The following POLQ variants were observed in gnomAD, a reference collection of about 807,000 sequenced individuals.
The protein encoded by POLQ is epididymis secretory sperm binding protein.
A neutral mutation model predicts 259.2 loss-of-function variants in POLQ; 233 were observed. That is an observed-to-expected ratio of 0.90 (90% CI 0.81 to 1.00). The LOEUF (loss-of-function observed/expected upper bound fraction) is 1.00. Among genes scored for constraint, POLQ ranks in the 50% least tolerant of loss-of-function variants. POLQ has a pLI of 0.00. For synonymous variants in POLQ, 1,025 were observed against 1,048.8 expected (o/e 0.98, Z 0.44); for missense variants, 2,871 against 3,051.6 (o/e 0.94, Z 1.39).
At chr3:121,449,789 A>G (rs1311868517) in intron 25 of POLQ, among the ~76,000 whole-genome samples, 2 of 152,228 alleles carry the variant, frequency 1.3e-5, no homozygotes, top group Non-Finnish European at 2.9e-5. Context: ...GTCAGGGAAG[A>G]GAAGCATTAC....
intron 28 of POLQ, 115 bp downstream of exon 28, chr3:121,436,007 T>C (rs1198798614): frequency 1.0e-5 from 9 of 862,002 alleles, no homozygotes; most frequent in Non-Finnish European, 1.6e-5. Flanking sequence ...AAAGACATCA[T>C]GAGACCAAAA....
At chr3:121,539,992 A>T (rs1362862571) in intron 3 of POLQ, among the ~76,000 whole-genome samples, 1 of 152,128 alleles carries the variant, frequency 6.6e-6, no homozygotes, top group East Asian at 1.9e-4. Context: ...CCTACTAATG[A>T]CCAATTTTTT....
intron 7 of POLQ, among the ~76,000 whole-genome samples, chr3:121,527,263 T>C (rs1293284198): frequency 4.6e-5 from 7 of 152,132 alleles, no homozygotes; most frequent in Admixed American, 3.3e-4. Flanking sequence ...GGTTTCACCA[T>C]GTTGTCCAGG....
At position 121,493,649 on chromosome 3, in the gene POLQ, C is replaced by T. The variant is rs745851016; in HGVS notation, c.2351G>A (p.Arg784His). ...CTCCCTCTGGATGCCAAACGTAAGA[C>T]GCTTCTGAAATTGGGAAAGTAGTAG... is the stretch of plus-strand genomic sequence containing the variant. ...MELLLSQFQK[R>H]LTFGIQRELC... Residue 784 changes from arginine (R) to histidine (H), a missense_variant, in exon 15 of 30, where the codon CGT becomes CAT. Physicochemically the swap from Arg to His is conservative, Grantham distance 29. This residue lies in a region of POLQ where 2,080 missense variants were observed against 2,126.0 expected (regional missense o/e 0.98). Transcript: ENST00000264233. The T allele has an allele frequency of 8.7e-6, 14 of 1,614,036 alleles. No homozygotes were observed. Among genetic ancestry groups the T allele is most frequent in the African/African-American group, 2.7e-5 (2 of 75,032 alleles).
intron 26 of POLQ, among the ~76,000 whole-genome samples, chr3:121,447,057 A>G (rs758421464): frequency 2.7e-4 from 26 of 96,990 alleles, no homozygotes; most frequent in Non-Finnish European, 6.0e-4. Flanking sequence ...CTTTTAATAA[A>G]GGTGATTTTT....
intron 14 of POLQ, among the ~76,000 whole-genome samples, chr3:121,496,416 C>T (rs1319051801): frequency 1.3e-5 from 2 of 152,044 alleles, no homozygotes; most frequent in African/African-American, 2.4e-5. Context: ...ACCTCGTGAT[C>T]CACCCGACTC....
intron 16 of POLQ, among the ~76,000 whole-genome samples, chr3:121,486,809 G>A (rs1324283732): frequency 1.3e-5 from 2 of 151,526 alleles, no homozygotes; most frequent in African/African-American, 2.4e-5. Context: ...GTTGCAGTGA[G>A]CGAAGATCAA....
At chr3:121,494,998 G>A (rs1199357576) in intron 14 of POLQ, 13 of 668,382 alleles carry the variant, frequency 1.9e-5, no homozygotes, top group Admixed American at 1.4e-4. Flanking sequence ...GATGCTGGGC[G>A]CAGTGGCTCA....
chr3:121,432,925 A>T lies in POLQ; in HGVS notation c.7652T>A (p.Val2551Asp). 6.4e-7 allele frequency: 1 copy of T among 1,570,094 alleles called. No homozygotes were observed. The highest frequency in any genetic ancestry group is 1.7e-4 in the Middle Eastern group (1 of 5,972). Residue 2551 changes from valine (V) to aspartate (D), a missense_variant, in exon 29 of 30, where the codon GTT (valine) becomes GAT (aspartate). Physicochemically the swap from Val to Asp is radical, Grantham distance 152 (BLOSUM62 -3). Around this residue, in one of 3 missense-constraint regions of POLQ, gnomAD observed 2,080 missense variants for 2,126.0 expected, o/e 0.98. Transcript: ENST00000264233. ...ELLYEVAEED[V>D]VQVAQIVKNE... ...CAAGCATTGCAAAAATACCTGAACA[A>T]CATCTTCTTCTGCCACTTCATATAG...
rs546221341 is a variant in POLQ at position 121,488,662 on chromosome 3, CAATAGTA to C, written c.4262_4268del (p.Ile1421ArgfsTer8). On this transcript the variant is annotated frameshift_variant, in exon 16 of 30. Coordinates refer to ENST00000264233, the MANE Select transcript of POLQ (RefSeq NM_199420.4). LOFTEE classifies it high-confidence loss of function. Reference sequence around the variant, plus strand: ...TTTTTAAAAAAAGACCATTTTCCTCCAATAGTATTGGAGAATGGAAAATCGGGCTTTC... The same window carrying C: ...TTTTTAAAAAAAGACCATTTTCCTCCTTGGAGAATGGAAAATCGGGCTTTC... The C allele has an allele frequency of 6.5e-3, 10,376 of 1,606,644 alleles. 54 individuals are homozygous for C. Among genetic ancestry groups the C allele is most frequent in the Middle Eastern group, 9.5e-3 (57 of 6,012 alleles).
In POLQ at chr3:121,544,825, T is replaced by C; in HGVS notation, c.245A>G (p.Glu82Gly). 1 of 1,612,826 alleles carries C rather than the reference T, an allele frequency of 6.2e-7. No individual in the cohort carries two copies. The highest frequency in any genetic ancestry group is 8.5e-7 in the Non-Finnish European group (1 of 1,178,824). The change falls in exon 2 of 30, where the codon GAA (glutamate) becomes GGA (glycine). Residue 82 changes from glutamate (E) to glycine (G), a missense_variant. Glu to Gly is a moderately conservative substitution (Grantham distance 98, BLOSUM62 -2). Around this residue, in one of 3 missense-constraint regions of POLQ, gnomAD observed 783 missense variants for 906.2 expected, o/e 0.86. Transcript: ENST00000264233. The part of the protein sequence containing the change: ...ANWGLPKAVL[E>G]KYHSFGVKKM... ...TTTTACACCAAAACTGTGGTATTTTTCCAGAACTGCTTTAGGAAGTCCCCA... is the reference window on the plus strand; with the variant it reads ...TTTTACACCAAAACTGTGGTATTTTCCCAGAACTGCTTTAGGAAGTCCCCA...
At chr3:121,463,503 T>A (rs1265463929) in intron 24 of POLQ, among the ~76,000 whole-genome samples, 1 of 152,154 alleles carries the variant, frequency 6.6e-6, no homozygotes, top group Non-Finnish European at 1.5e-5. Flanking sequence ...GTATGATAGA[T>A]CAATCAAATT....
At chr3:121,445,749 G>C (rs903004275) in intron 26 of POLQ, among the ~76,000 whole-genome samples, 1 of 151,872 alleles carries the variant, frequency 6.6e-6, no homozygotes. Flanking sequence ...TGTAATCCCA[G>C]CTACTTGGGA....
chr3:121,520,891 C>A (rs753208872), intron 8 of POLQ, among the ~76,000 whole-genome samples: 27 of 152,088 alleles, frequency 1.8e-4, no homozygotes, highest in Non-Finnish European at 3.2e-4. Flanking sequence ...GACATAAATA[C>A]GTGATGAACA....
chr3:121,457,544 A>C (rs1300563546), intron 25 of POLQ, among the ~76,000 whole-genome samples: 1 of 152,210 alleles, frequency 6.6e-6, no homozygotes, highest in African/African-American at 2.4e-5. Context: ...ACAAGAAAAA[A>C]ACAAACAACC....
intron 19 of POLQ, among the ~76,000 whole-genome samples, chr3:121,480,129 G>A (rs1576411351): frequency 6.6e-6 from 1 of 151,146 alleles, no homozygotes; most frequent in South Asian, 2.1e-4. Flanking sequence ...ATATAGGTTG[G>A]GAATGTCACA....
chr3:121,534,089 G>T (rs2048431952), intron 5 of POLQ, among the ~76,000 whole-genome samples: 1 of 151,410 alleles, frequency 6.6e-6, no homozygotes, highest in East Asian at 2.0e-4. Context: ...TGTTAGCCAG[G>T]ATGGTCTCGA....
chr3:121,506,759 T>C (rs2048211795), intron 12 of POLQ, among the ~76,000 whole-genome samples: 1 of 152,206 alleles, frequency 6.6e-6, no homozygotes, highest in African/African-American at 2.4e-5. Flanking sequence ...TTTCAGTCTT[T>C]CCTAAAGATA....
rs1435719388 is a variant in POLQ at position 121,485,273 on chromosome 3, C to T, written c.5630-89G>A. The T allele has an allele frequency of 3.6e-6, 3 of 834,728 alleles. No homozygotes were observed. The African/African-American group carries it at 5.2e-5, about 15-fold the overall frequency. 51.7% of individuals were successfully genotyped at this position (834,728 alleles called of 1,614,324 possible). A position where few individuals can be genotyped will look rare whatever the true frequency, so the allele number is the denominator to read the frequency against. On this transcript the variant is annotated intron_variant, in intron 16 of 29. Transcript: ENST00000264233. ...AAAACAATTATAATAAAAAACCTAT[C>T]TTTGATAGGCAAAATTTCCAGATCT... is the stretch of plus-strand genomic sequence containing the variant.
Sources: allele counts gnomAD v4.1 joint callset (sites outside exome capture counted in the v4.1 genomes callset), GRCh38; gene constraint gnomAD v4.1.1; regional missense constraint gnomAD v4.1.1; transcripts MANE v1.5; gene names NCBI Gene and HGNC (gene_info 2026-07-23, HGNC 2026-07-21).